Variants in ANK2 observed in about 807,000 individuals in gnomAD.
The protein encoded by ANK2 is ankyrin-2.
In ANK2, 83 loss-of-function variants were observed where a neutral mutation model predicts 360.5. That is an observed-to-expected ratio of 0.23 (90% confidence interval 0.19 to 0.28). ANK2 has a LOEUF of 0.28. ANK2 is among the 10% of genes least tolerant of loss of function. The pLI, the probability that ANK2 is intolerant of heterozygous loss-of-function variation, is 1.00. For missense variants in ANK2, 4,201 were observed against 4,795.7 expected (o/e 0.88, Z 3.66); for synonymous variants, 1,740 against 1,759.5 (o/e 0.99, Z 0.28).
rs368704436 is a variant in ANK2 at position 113,139,639 on chromosome 4, C to T, written c.85-34777C>T. Among the ~76,000 whole-genome samples the T allele has an allele frequency of 1.8e-3, 274 of 152,232 alleles. 3 individuals carry two copies. Among genetic ancestry groups the T allele is most frequent in the African/African-American group, 6.5e-3 (269 of 41,542 alleles). On this transcript the variant is annotated intron_variant, in intron 1 of 45. Transcript: ENST00000357077. ...ATAGAACATAGAATTAGTCAAATGG[C>T]CCTTTAGGCTTGCTTTGGCCACCCT...
At chr4:113,233,626 G>A (rs1253805682) in intron 5 of ANK2, among the ~76,000 whole-genome samples, 2 of 152,104 alleles carry the variant, frequency 1.3e-5, no homozygotes, top group African/African-American at 4.8e-5. Flanking sequence ...TAGAAGGAGA[G>A]GTTATTAAAA....
chr4:113,159,643 C>G (rs2097439571), intron 1 of ANK2, among the ~76,000 whole-genome samples: 8 of 151,546 alleles, frequency 5.3e-5, no homozygotes, highest in Admixed American at 5.3e-4. Context: ...GAGTCTCGCT[C>G]TGTCACCCAG....
intron 1 of ANK2, among the ~76,000 whole-genome samples, chr4:113,162,267 C>G (rs1392571774): frequency 6.6e-6 from 1 of 151,974 alleles, no homozygotes; most frequent in Non-Finnish European, 1.5e-5. Flanking sequence ...CCTGATGACA[C>G]TGCTTATCCT....
chr4:113,247,939 A>C (rs1395936257), intron 9 of ANK2, among the ~76,000 whole-genome samples: 1 of 152,232 alleles, frequency 6.6e-6, no homozygotes, highest in Non-Finnish European at 1.5e-5. Flanking sequence ...TGCTTTTATC[A>C]GGATACAAAA....
At chr4:113,211,736 G>A (rs1373720576) in intron 4 of ANK2, among the ~76,000 whole-genome samples, 1 of 152,122 alleles carries the variant, frequency 6.6e-6, no homozygotes, top group Non-Finnish European at 1.5e-5. Context: ...AGGGTCAAGT[G>A]TCTCATCCAA....
intron 14 of ANK2, among the ~76,000 whole-genome samples, chr4:113,270,323 G>T (rs943453036): frequency 6.6e-6 from 1 of 152,066 alleles, no homozygotes; most frequent in South Asian, 2.1e-4. Flanking sequence ...TTTCTGTATT[G>T]ATATAACCCA....
chr4:112,990,910 T>C (rs1200341899), intron 2 of ANK2, among the ~76,000 whole-genome samples: 1 of 152,188 alleles, frequency 6.6e-6, no homozygotes, highest in African/African-American at 2.4e-5. Flanking sequence ...AACTTCCAAA[T>C]TGGATGTTCT....
At chr4:113,375,712 G>A (rs1409474822) in intron 45 of ANK2, among the ~76,000 whole-genome samples, 4 of 142,160 alleles carry the variant, frequency 2.8e-5, no homozygotes, top group South Asian at 2.2e-4. Context: ...GCAACAGAGC[G>A]AGAATTCGTC....
chr4:112,714,261 C>T, the ANK2 span, among the ~76,000 whole-genome samples: 3 of 152,154 alleles, frequency 2.0e-5, no homozygotes, highest in Non-Finnish European at 4.4e-5. Context: ...TGGCCCACTG[C>T]CATCTCCACC....
At chr4:112,874,085 T>TC (rs1225194178) in intron 1 of ANK2, among the ~76,000 whole-genome samples, 2 of 148,254 alleles carry the variant, frequency 1.3e-5, no homozygotes, top group East Asian at 4.0e-4. Flanking sequence ...GTTCTCTTTT[T>TC]TTTTTTTTTT....
In ANK2 at chr4:113,327,480, G is replaced by C. The variant is rs553063569; in HGVS notation, c.2901-2766G>C. On this transcript the variant is annotated intron_variant, in intron 26 of 45. Transcript: ENST00000357077. Reference sequence around the variant, plus strand: ...AAGAATTAAATTTCCTCCTATGTTAGCCTTAGACATAAATATATACAGCTC... The same window carrying C: ...AAGAATTAAATTTCCTCCTATGTTACCCTTAGACATAAATATATACAGCTC... 1.0e-3 allele frequency among the ~76,000 whole-genome samples: 153 copies of C among 152,236 alleles called. 1 individual carries two copies. The highest frequency in any genetic ancestry group is 1.7e-3 in the Non-Finnish European group (115 of 68,022).
intron 15 of ANK2, among the ~76,000 whole-genome samples, chr4:113,275,909 GATAAA>G (rs1460328667): frequency 1.4e-5 from 2 of 147,982 alleles, no homozygotes; most frequent in African/African-American, 2.5e-5. Flanking sequence ...AAATTAGGGC[GATAAA>G]ATAGAATAAA....
At chr4:112,795,134 A>ACTGGACAATCCCAGAAGCCATCTTAT in the ANK2 span, among the ~76,000 whole-genome samples, 2 of 152,212 alleles carry the variant, frequency 1.3e-5, no homozygotes, top group African/African-American at 4.8e-5. Context: ...GACAGAGAGC[A>ACTGGACAATCCCAGAAGCCATCTTAT]CTGGACAATC....
In ANK2 at chr4:112,826,885, T is replaced by C. The variant is rs923900936; in HGVS notation, c.-40+8621T>C. On this transcript the variant is annotated intron_variant, in intron 1 of 30. Transcript: ENST00000503271. ...GATGACATCAATGATGTGACTTCTA[T>C]GGCAGGGGTCAACCTTAATGAAGAA... 7 of 1,503,112 alleles carry C rather than the reference T, an allele frequency of 4.7e-6. No homozygotes were observed. The Admixed American group carries it at 1.0e-4, about 22-fold the overall frequency. 93.1% of individuals were successfully genotyped at this position (1,503,112 alleles called of 1,614,324 possible). A position where few individuals can be genotyped will look rare whatever the true frequency, so the allele number is the denominator to read the frequency against.
At chr4:113,086,162 A>G (rs1223617919) in intron 1 of ANK2, among the ~76,000 whole-genome samples, 1 of 152,180 alleles carries the variant, frequency 6.6e-6, no homozygotes, top group African/African-American at 2.4e-5. Context: ...CTCAGAACAC[A>G]TTTAGGAACC....
At chr4:113,264,466 A>G (rs1178735249) in intron 13 of ANK2, among the ~76,000 whole-genome samples, 1 of 152,212 alleles carries the variant, frequency 6.6e-6, no homozygotes, top group Non-Finnish European at 1.5e-5. Context: ...AAACAACTCA[A>G]GAGTATCCTG....
At chr4:113,336,292 T>TA (rs11355670) in intron 30 of ANK2, 10,286 of 501,974 alleles carry the variant, frequency 0.02, 99 homozygotes, top group Admixed American at 0.089. Context: ...TTTCTTCTTG[T>TA]AAAAAAAAAA....
At chr4:113,195,969 A>G (rs2153386242) in intron 2 of ANK2, among the ~76,000 whole-genome samples, 1 of 152,354 alleles carries the variant, frequency 6.6e-6, no homozygotes, top group East Asian at 1.9e-4. Context: ...AGCGCTTAGC[A>G]GAGTGCTGCT....
At chr4:113,163,888 G>A (rs76607162) in intron 1 of ANK2, among the ~76,000 whole-genome samples, 1,987 of 150,492 alleles carry the variant, frequency 0.013, 21 homozygotes, top group Non-Finnish European at 0.022. Flanking sequence ...ACAGAGTTGT[G>A]CGACCAACAC....
Sources: gnomAD v4.1 joint callset for allele counts (sites outside exome capture counted in the v4.1 genomes callset) on GRCh38, gnomAD v4.1.1 for gene constraint, MANE v1.5 for transcripts, NCBI Gene and HGNC (gene_info 2026-07-23, HGNC 2026-07-21) for gene names.